Variants in ARHGAP18 observed in about 807,000 individuals in gnomAD.
ARHGAP18 encodes the protein Rho GTPase activating protein 18, also known as rho GTPase-activating protein 18.
A neutral mutation model predicts 86.2 loss-of-function variants in ARHGAP18; 67 were observed. The ratio of observed to expected loss-of-function variants is 0.78; its 90% CI spans 0.64 to 0.95. The LOEUF (loss-of-function observed/expected upper bound fraction) is 0.95. Ranked by LOEUF, ARHGAP18 falls within the 40% of genes least tolerant of loss-of-function variation. The pLI, the probability that ARHGAP18 is intolerant of heterozygous loss-of-function variation, is 0.00. For missense variants in ARHGAP18, 691 were observed against 780.4 expected, an observed-to-expected ratio of 0.89 and a Z score of 1.37; for synonymous variants, 283 against 280.4, an observed-to-expected ratio of 1.01 and a Z score of -0.09.
At chr6:129,607,787 C>A in intron 9 of ARHGAP18, 106 bp downstream of exon 9, 1 of 1,256,090 alleles carries the variant, frequency 8.0e-7, no homozygotes. Flanking sequence ...TCAATATGTC[C>A]ACCCAAATAC....
At chr6:129,623,006 CAAAAA>C (rs57274879) in intron 5 of ARHGAP18, among the ~76,000 whole-genome samples, 1 of 39,732 alleles carries the variant, frequency 2.5e-5, no homozygotes, top group African/African-American at 6.2e-5. Flanking sequence ...CATCTCAAAA[CAAAAA>C]AAAAAAAAAA....
intron 12 of ARHGAP18, among the ~76,000 whole-genome samples, chr6:129,589,591 T>C (rs1023493666): frequency 5.9e-5 from 9 of 152,188 alleles, no homozygotes; most frequent in African/African-American, 1.9e-4. Context: ...TCACATTTTC[T>C]TATCTTCTTC....
chr6:129,609,279 T>C (rs1340076004), intron 8 of ARHGAP18, among the ~76,000 whole-genome samples: 1 of 152,120 alleles, frequency 6.6e-6, no homozygotes, highest in Non-Finnish European at 1.5e-5. Context: ...AAATTATTTA[T>C]AATGGACCAG....
chr6:129,627,330 C>T (rs970036721), intron 5 of ARHGAP18, among the ~76,000 whole-genome samples: 1 of 151,666 alleles, frequency 6.6e-6, no homozygotes, highest in Non-Finnish European at 1.5e-5. Flanking sequence ...ATTTTGTAAC[C>T]GTTAATAAAT....
chr6:129,646,190 A>T (rs1773576010), intron 1 of ARHGAP18, among the ~76,000 whole-genome samples: 1 of 152,190 alleles, frequency 6.6e-6, no homozygotes, highest in Non-Finnish European at 1.5e-5. Flanking sequence ...CTAAGTACCA[A>T]ATGATTCCAG....
chr6:129,635,154 A>G (rs187136611), intron 3 of ARHGAP18, among the ~76,000 whole-genome samples: 1 of 152,218 alleles, frequency 6.6e-6, no homozygotes, highest in Non-Finnish European at 1.5e-5. Context: ...GATCAACCAC[A>G]GAAAGAGGTC....
intron 10 of ARHGAP18, among the ~76,000 whole-genome samples, chr6:129,601,166 T>C (rs1296214294): frequency 6.6e-6 from 1 of 152,186 alleles, no homozygotes; most frequent in Non-Finnish European, 1.5e-5. Flanking sequence ...TGAAAAGTAA[T>C]GTAAAACATC....
intron 1 of ARHGAP18, chr6:129,661,882 A>G: frequency 4.1e-6 from 4 of 985,350 alleles, no homozygotes; most frequent in Non-Finnish European, 4.8e-6. Context: ...TTCAGAACCC[A>G]ACAGCTGTTT....
At chr6:129,708,052 T>C (rs1222467115) in intron 1 of ARHGAP18, among the ~76,000 whole-genome samples, 2 of 151,970 alleles carry the variant, frequency 1.3e-5, no homozygotes, top group Non-Finnish European at 2.9e-5. Flanking sequence ...CCCTCCCCCA[T>C]AGCAATTACA....
At chr6:129,703,005 A>C (rs1005821120) in intron 1 of ARHGAP18, among the ~76,000 whole-genome samples, 12 of 3,224 alleles carry the variant, frequency 3.7e-3, no homozygotes, top group African/African-American at 7.4e-3. Context: ...CTCCAAAACA[A>C]AAAAAAAAAG....
intron 1 of ARHGAP18, among the ~76,000 whole-genome samples, chr6:129,656,735 C>A (rs1417809224): frequency 5.9e-5 from 9 of 152,180 alleles, no homozygotes; most frequent in African/African-American, 2.2e-4. Flanking sequence ...TGCTATGCCT[C>A]ATTTTAATTT....
In ARHGAP18 at chr6:129,621,568, T is replaced by G. The variant is rs530691057; in HGVS notation, c.787-2716A>C. 1.4e-4 allele frequency among the ~76,000 whole-genome samples: 21 copies of G among 152,298 alleles called. No individual in the cohort carries two copies. In the South Asian group the frequency reaches 4.1e-3, roughly 30 times the overall value. On this transcript the variant is annotated intron_variant, in intron 5 of 14. Transcript: ENST00000368149. ...TGACCTTTGGCAAACAATGTCCCCT[T>G]CTGTGCCTTAGCCTCCTCATCTGTA...
chr6:129,645,881 A>C (rs1773568450), intron 1 of ARHGAP18, among the ~76,000 whole-genome samples: 1 of 152,168 alleles, frequency 6.6e-6, no homozygotes, highest in Non-Finnish European at 1.5e-5. Context: ...GTTTACAAAA[A>C]TGAGGGCTTT....
At chr6:129,619,550 G>C (rs1789181555) in intron 5 of ARHGAP18, among the ~76,000 whole-genome samples, 1 of 97,188 alleles carries the variant, frequency 1.0e-5, no homozygotes, top group Admixed American at 1.0e-4. Flanking sequence ...AGAGAGAAAA[G>C]GAAGGGGAGT....
At chr6:129,625,658 T>A (rs1469151374) in intron 5 of ARHGAP18, among the ~76,000 whole-genome samples, 1 of 75,204 alleles carries the variant, frequency 1.3e-5, no homozygotes, top group Non-Finnish European at 2.3e-5. Context: ...TTATATATTA[T>A]ATATATTTAT....
At chr6:129,579,674 ATC>A (rs1047653235) in intron 14 of ARHGAP18, among the ~76,000 whole-genome samples, 4 of 152,206 alleles carry the variant, frequency 2.6e-5, no homozygotes, top group African/African-American at 9.6e-5. Flanking sequence ...GCAAAAGTAA[ATC>A]TGCTTTTACT....
chr6:129,625,018 TATGATATATGA>T lies in ARHGAP18; in HGVS notation c.786+4324_786+4334del, dbSNP rs1562696003. Reference sequence around the variant, plus strand: ...ATATGATATATATTTATATAATATATATGATATATGATATATATTTATATAATATATATGAT... The same window carrying T: ...ATATGATATATATTTATATAATATATTATATATTTATATAATATATATGAT... On this transcript the variant is annotated intron_variant, in intron 5 of 14. Transcript: ENST00000368149. Among the ~76,000 whole-genome samples, 20 of 88,406 alleles carry T rather than the reference TATGATATATGA, an allele frequency of 2.3e-4. 1 individual carries two copies. Among genetic ancestry groups the T allele is most frequent in the South Asian group, 1.5e-3 (5 of 3,418 alleles). The allele number at this position is 88,406 out of a possible 152,430, so 58.0% of individuals were successfully genotyped here. A position where few individuals can be genotyped will look rare whatever the true frequency, so the allele number is the denominator to read the frequency against.
chr6:129,597,499 C>T (rs1788638048), intron 12 of ARHGAP18, among the ~76,000 whole-genome samples: 1 of 152,038 alleles, frequency 6.6e-6, no homozygotes, highest in African/African-American at 2.4e-5. Context: ...AGCTTGACTC[C>T]CCAGTGAAGC....
chr6:129,695,992 G>T (rs1169165874), intron 1 of ARHGAP18, among the ~76,000 whole-genome samples: 1 of 152,088 alleles, frequency 6.6e-6, no homozygotes, highest in African/African-American at 2.4e-5. Flanking sequence ...AAAAAAGAAA[G>T]AAAGGAAATC....
Sources: gnomAD v4.1 joint callset for allele counts (sites outside exome capture counted in the v4.1 genomes callset) on GRCh38, gnomAD v4.1.1 for gene constraint, MANE v1.5 for transcripts, NCBI Gene and HGNC (gene_info 2026-07-23, HGNC 2026-07-21) for gene names.